Variants in WARS1 observed in about 807,000 individuals in gnomAD.
WARS1 encodes tryptophan--tRNA ligase, cytoplasmic.
A neutral mutation model predicts 47.8 loss-of-function variants in WARS1; 17 were observed. The observed-to-expected ratio is 0.36, with a 90% CI of 0.24 to 0.53. The LOEUF is 0.53. WARS1 is among the 20% of genes least tolerant of loss of function. WARS1 has a pLI of 0.91. For synonymous variants in WARS1, 208 were observed against 228.1 expected, an observed-to-expected ratio of 0.91 and a Z score of 0.79; for missense variants, 434 against 608.0, an observed-to-expected ratio of 0.71 and a Z score of 3.01.
chr14:100,338,491 T>C (rs560491151), intron 9 of WARS1, among the ~76,000 whole-genome samples: 3 of 152,116 alleles, frequency 2.0e-5, no homozygotes, highest in Non-Finnish European at 1.5e-5. Context: ...GGTCTTGAAC[T>C]CCTGGGCTCA....
Position 100,333,929 on chromosome 14 carries a change from G to C in WARS1, c.*946C>G, listed in dbSNP as rs1474816549. The C allele has an allele frequency of 6.5e-6, 1 of 152,726 alleles. No homozygotes were observed. The highest frequency in any genetic ancestry group is 6.5e-5 in the Admixed American group (1 of 15,288). 9.5% of individuals were successfully genotyped at this position (152,726 alleles called of 1,614,324 possible). On this transcript the variant is annotated 3_prime_UTR_variant, in exon 11 of 11. Coordinates refer to ENST00000392882, the MANE Select transcript of WARS1 (RefSeq NM_004184.4). ...GCCTGCACATGCTGCGTGATGAAATGAGGCCTGCCTAGACATCTGTGAGGG... is the reference window on the plus strand; with the variant it reads ...GCCTGCACATGCTGCGTGATGAAATCAGGCCTGCCTAGACATCTGTGAGGG...
chr14:100,372,520 T>A (rs1896411777), intron 1 of WARS1, among the ~76,000 whole-genome samples: 1 of 152,172 alleles, frequency 6.6e-6, no homozygotes, highest in Admixed American at 6.5e-5. Flanking sequence ...TAGGGAGGAA[T>A]GCCGGAGTAC....
intron 7 of WARS1, among the ~76,000 whole-genome samples, chr14:100,344,730 C>T (rs1461519262): frequency 5.9e-5 from 9 of 151,802 alleles, no homozygotes; most frequent in African/African-American, 2.2e-4. Flanking sequence ...CGCCTCTGCC[C>T]CGCCGCCCCG....
In WARS1 at chr14:100,367,595, G is replaced by A. The variant is rs564067822; in HGVS notation, c.99+1492C>T. Among the ~76,000 whole-genome samples, 6 of 143,438 alleles carry A rather than the reference G, an allele frequency of 4.2e-5. No homozygotes were observed. The South Asian group carries it at 1.4e-3, about 33-fold the overall frequency. The allele number at this position is 143,438 out of a possible 152,430, so 94.1% of individuals were successfully genotyped here. A position where few individuals can be genotyped will look rare whatever the true frequency, so the allele number is the denominator to read the frequency against. On this transcript the variant is annotated intron_variant, in intron 2 of 10. Coordinates refer to ENST00000392882, the MANE Select transcript of WARS1 (RefSeq NM_004184.4). ...AGAGTGAGATTCCATCTCGGGGGGC[G>A]GGGGTGGGGTGGCAAAAAAAAAAAA...
chr14:100,374,093 A>G (rs1270545313), intron 1 of WARS1: 1 of 152,198 alleles, frequency 6.6e-6, no homozygotes, highest in East Asian at 1.9e-4. Context: ...TTGCAAGTAC[A>G]TTGGTATGTA....
chr14:100,335,964 CT>C lies in WARS1; in HGVS notation c.1255-929del, dbSNP rs112530080. 1.7e-3 allele frequency among the ~76,000 whole-genome samples: 250 copies of C among 146,480 alleles called. 1 individual carries two copies. Among genetic ancestry groups the C allele is most frequent in the South Asian group, 0.013 (59 of 4,586 alleles). On this transcript the variant is annotated intron_variant, in intron 10 of 10. Coordinates refer to ENST00000392882, the MANE Select transcript of WARS1 (RefSeq NM_004184.4). ...GGCATATTTTCCTGTGTCACTAAAA[CT>C]TTTTTTTTTTTAAAAGAAATGAGGG...
rs751031071 is a variant in WARS1, at chr14:100,343,338, T to C, written c.876A>G (p.Ser292=). 2 of 1,613,400 alleles carry C rather than the reference T, an allele frequency of 1.2e-6. No individual in the cohort carries two copies. Among genetic ancestry groups the C allele is most frequent in the Non-Finnish European group, 1.7e-6 (2 of 1,179,504 alleles). The part of the protein sequence containing the change: ...AIQAAPSFSN[S]FPQIFRDRTD... ...TCCTGTCTCGGAAGATCTGTGGGAA[T>C]GAGTTGCTGAAGGAGGGAGCAGCCT... Residue 292 remains serine (S), a synonymous_variant, in exon 8 of 11, where the codon TCA becomes TCG. Transcript: ENST00000392882.
intron 7 of WARS1, among the ~76,000 whole-genome samples, chr14:100,344,357 T>C (rs1894386244): frequency 1.3e-5 from 2 of 152,318 alleles, no homozygotes; most frequent in South Asian, 2.1e-4. Context: ...GGTGCCGGGA[T>C]TGCAGACGGA....
chr14:100,360,915 G>A (rs142169553), intron 3 of WARS1, among the ~76,000 whole-genome samples: 180 of 152,242 alleles, frequency 1.2e-3, no homozygotes, highest in African/African-American at 4.2e-3. Context: ...CTGAGACTGG[G>A]TTCTGATGGG....
At chr14:100,361,145 T>C (rs987956680) in intron 3 of WARS1, among the ~76,000 whole-genome samples, 3 of 152,258 alleles carry the variant, frequency 2.0e-5, no homozygotes, top group African/African-American at 7.2e-5. Context: ...TCATGGAAAA[T>C]GGCTTTGACT....
rs1377519665 is a variant in WARS1, at chr14:100,373,060, T to G, written c.-74+2223A>C. ...AGTAACTTTATGAAAGCACTCACAC[T>G]GCAGTTTAGTTATTCATGTCTTCCC... is the stretch of plus-strand genomic sequence containing the variant. On this transcript the variant is annotated intron_variant, in intron 1 of 10. Transcript: ENST00000392882. This position sits in a 1 kb window ranked among gnomAD's most constrained non-coding sequence, Gnocchi z 4.4. 6.6e-6 allele frequency among the ~76,000 whole-genome samples: 1 copy of G among 152,232 alleles called. No homozygotes were observed. The highest frequency in any genetic ancestry group is 1.9e-4 in the East Asian group (1 of 5,202).
chr14:100,355,615 TAA>T (rs1348390500), intron 4 of WARS1, among the ~76,000 whole-genome samples: 1 of 152,160 alleles, frequency 6.6e-6, no homozygotes, highest in East Asian at 1.9e-4. Context: ...TGTTTCTGGG[TAA>T]AGTGTCCCCA....
Position 100,373,772 on chromosome 14 carries a change from C to A in WARS1, c.-74+1511G>T, listed in dbSNP as rs1896474357. Among the ~76,000 whole-genome samples, 1 of 151,930 alleles carries A rather than the reference C, an allele frequency of 6.6e-6. No homozygotes were observed. On this transcript the variant is annotated intron_variant, in intron 1 of 10. Transcript: ENST00000392882. The surrounding 1 kb of genome is among the most constrained non-coding windows in gnomAD (Gnocchi z 4.4). Reference sequence around the variant, plus strand: ...TTAGACTGAGGAAATAGCAGATGATCATGATCACAAGGCATATACTTTGCG... The same window carrying A: ...TTAGACTGAGGAAATAGCAGATGATAATGATCACAAGGCATATACTTTGCG...
chr14:100,339,362 C>G (rs548808535), intron 9 of WARS1, among the ~76,000 whole-genome samples: 9 of 152,072 alleles, frequency 5.9e-5, no homozygotes, highest in Admixed American at 4.6e-4. Flanking sequence ...GAGGCCAAGG[C>G]GGGCAGATTA....
intron 9 of WARS1, among the ~76,000 whole-genome samples, chr14:100,339,342 A>C (rs1216926452): frequency 1.3e-5 from 2 of 152,320 alleles, no homozygotes; most frequent in South Asian, 2.1e-4. Context: ...CTGTAATCCC[A>C]GCACTTTGGG....
chr14:100,350,391 C>CA (rs1222094248), intron 6 of WARS1, among the ~76,000 whole-genome samples: 1 of 5,106 alleles, frequency 2.0e-4, no homozygotes, highest in Non-Finnish European at 4.8e-4. Flanking sequence ...GACTCCATCT[C>CA]AAAAAAAGAA....
rs1465845626 is a variant in WARS1, at chr14:100,361,843, C to A, written c.178G>T (p.Ala60Ser). The change falls in exon 3 of 11, where the codon GCT (alanine) becomes TCT (serine). Residue 60 changes from alanine to serine, a missense_variant. Ala to Ser is a moderately conservative substitution (Grantham distance 99). Coordinates refer to ENST00000392882, the MANE Select transcript of WARS1 (RefSeq NM_004184.4). ...YKAAAGEDYKADCPPGNPAPT... is the reference protein window; with the variant it reads ...YKAAAGEDYKSDCPPGNPAPT... ...GCTGGGTTCCCTGGAGGACAGTCAG[C>A]CTTGTAATCCTCCCCCGCGGCAGCT... 2 of 1,614,058 alleles carry A rather than the reference C, an allele frequency of 1.2e-6. No individual in the cohort carries two copies. The highest frequency in any genetic ancestry group is 1.7e-6 in the Non-Finnish European group (2 of 1,180,044).
chr14:100,365,290 G>A (rs181418992), intron 2 of WARS1, among the ~76,000 whole-genome samples: 29 of 68,392 alleles, frequency 4.2e-4, no homozygotes, highest in African/African-American at 8.0e-4. Context: ...TAAAAGTGTC[G>A]GAAGTCGGGC....
chr14:100,367,597 G>C (rs532006739), intron 2 of WARS1, among the ~76,000 whole-genome samples: 1 of 141,490 alleles, frequency 7.1e-6, no homozygotes, highest in African/African-American at 2.6e-5. Flanking sequence ...CGGGGGGCGG[G>C]GGTGGGGTGG....
Sources: gnomAD v4.1 joint callset for allele counts (sites outside exome capture counted in the v4.1 genomes callset) on GRCh38, gnomAD v4.1.1 for gene constraint, Gnocchi (gnomAD v3.1) non-coding constraint, MANE v1.5 for transcripts, NCBI Gene and HGNC (gene_info 2026-07-23, HGNC 2026-07-21) for gene names.